The following LDLRAD4 variants were observed in gnomAD, a reference collection of about 807,000 sequenced individuals.
The protein encoded by LDLRAD4 is low density lipoprotein receptor class A domain containing 4.
LDLRAD4 carries 5 observed loss-of-function variants against 17.0 expected under a neutral mutation model. The ratio of observed to expected loss-of-function variants is 0.29; its 90% CI spans 0.15 to 0.62. The LOEUF is 0.62. Among genes scored for constraint, LDLRAD4 ranks in the 20% least tolerant of loss-of-function variants. The pLI is 0.84. For synonymous variants in LDLRAD4, 168 were observed against 171.8 expected (o/e 0.98, Z 0.17); for missense variants, 340 against 424.7 (o/e 0.80, Z 1.75).
intron 1 of LDLRAD4, among the ~76,000 whole-genome samples, chr18:13,294,153 A>C (rs1198129026): frequency 6.6e-6 from 1 of 152,244 alleles, no homozygotes; most frequent in East Asian, 1.9e-4. Flanking sequence ...CCAATAATGG[A>C]ACACTGCGCA....
At chr18:13,234,927 T>C (rs2042261046) in intron 1 of LDLRAD4, 1 of 152,192 alleles carries the variant, frequency 6.6e-6, no homozygotes, top group African/African-American at 2.4e-5. Flanking sequence ...ATTTATTTGC[T>C]TAGAAACCAA....
intron 3 of LDLRAD4, among the ~76,000 whole-genome samples, chr18:13,558,591 C>T (rs1051754890): frequency 1.3e-5 from 2 of 152,186 alleles, no homozygotes; most frequent in South Asian, 2.1e-4. Flanking sequence ...CTAGTAGGAT[C>T]GGCACATGTA....
intron 1 of LDLRAD4, among the ~76,000 whole-genome samples, chr18:13,296,800 T>C (rs1476986479): frequency 2.6e-5 from 4 of 152,242 alleles, no homozygotes; most frequent in Admixed American, 2.0e-4. Flanking sequence ...CACATTTTCC[T>C]TTGTGTGCAT....
chr18:13,445,820 GTC>G (rs1386723918), intron 3 of LDLRAD4, among the ~76,000 whole-genome samples: 3 of 151,526 alleles, frequency 2.0e-5, no homozygotes, highest in Non-Finnish European at 4.4e-5. Context: ...GAGTGTGTGT[GTC>G]TGTGTGTGAG....
At chr18:13,380,953 C>T (rs1388081367) in intron 1 of LDLRAD4, among the ~76,000 whole-genome samples, 1 of 150,220 alleles carries the variant, frequency 6.7e-6, no homozygotes, top group Non-Finnish European at 1.5e-5. Context: ...AAAAATTCAT[C>T]ACACTCCAAC....
intron 3 of LDLRAD4, among the ~76,000 whole-genome samples, chr18:13,441,017 G>A (rs995617970): frequency 2.6e-5 from 4 of 152,194 alleles, no homozygotes; most frequent in African/African-American, 4.8e-5. Flanking sequence ...ATGGGGAGAC[G>A]CTCACGGCGC....
chr18:13,238,064 C>G (rs1036442517), intron 1 of LDLRAD4, among the ~76,000 whole-genome samples: 4 of 152,170 alleles, frequency 2.6e-5, no homozygotes, highest in African/African-American at 9.7e-5. Flanking sequence ...CCTAGCCATC[C>G]TTACCCACAA....
intron 1 of LDLRAD4, among the ~76,000 whole-genome samples, chr18:13,321,859 C>A (rs1352389597): frequency 8.8e-5 from 3 of 34,164 alleles, no homozygotes; most frequent in Non-Finnish European, 1.1e-4. Flanking sequence ...GAGACTCCGT[C>A]TCAAAAAAAA....
At chr18:13,472,588 C>T (rs115429146) in intron 3 of LDLRAD4, 90 of 152,354 alleles carry the variant, frequency 5.9e-4, no homozygotes, top group African/African-American at 2.1e-3. Context: ...CTCCTCTGTC[C>T]TGTTCACCCA....
chr18:13,303,855 G>A (rs997151681), intron 1 of LDLRAD4, among the ~76,000 whole-genome samples: 1 of 152,166 alleles, frequency 6.6e-6, no homozygotes, highest in Non-Finnish European at 1.5e-5. Context: ...CTAGTAAGAG[G>A]GCTAAGGAGA....
intron 3 of LDLRAD4, among the ~76,000 whole-genome samples, chr18:13,447,073 A>G (rs774744282): frequency 1.8e-4 from 27 of 152,334 alleles, no homozygotes; most frequent in Middle Eastern, 3.4e-3. Flanking sequence ...GCCATGTTCA[A>G]TGAATCAGGC....
intron 1 of LDLRAD4, among the ~76,000 whole-genome samples, chr18:13,332,735 AT>A (rs917105565): frequency 4.0e-5 from 5 of 125,470 alleles, no homozygotes; most frequent in African/African-American, 1.3e-4. Flanking sequence ...TTGATAGCTC[AT>A]TTTTTTTGTT....
At chr18:13,264,944 G>A (rs960776317) in intron 1 of LDLRAD4, among the ~76,000 whole-genome samples, 2 of 152,176 alleles carry the variant, frequency 1.3e-5, no homozygotes, top group African/African-American at 4.8e-5. Flanking sequence ...TTGGCAAATT[G>A]ATCTGTAAAA....
rs1018209067 is a variant in LDLRAD4, at chr18:13,503,668, T to C, written c.181+65284T>C. 2.0e-5 allele frequency among the ~76,000 whole-genome samples: 3 copies of C among 152,002 alleles called. No homozygotes were observed. The East Asian group carries it at 5.8e-4, about 29-fold the overall frequency. ...AGAGGGGAAGCAGGCAGCCCAGGCA[T>C]GTGTGCGTGGATGTGGAGCCCCTTT... On this transcript the variant is annotated intron_variant, in intron 3 of 5. Transcript: ENST00000359446.
chr18:13,582,883 T>A (rs959793313), intron 3 of LDLRAD4, among the ~76,000 whole-genome samples: 2 of 152,192 alleles, frequency 1.3e-5, no homozygotes, highest in Non-Finnish European at 2.9e-5. Flanking sequence ...GGCTAATTTT[T>A]AAATTTTACA....
intron 3 of LDLRAD4, chr18:13,615,098 G>C (rs915963160): frequency 1.0e-4 from 16 of 152,434 alleles, no homozygotes; most frequent in African/African-American, 3.9e-4. Flanking sequence ...GAGTGAGGTG[G>C]GGTGCTGCTG....
intron 2 of LDLRAD4, among the ~76,000 whole-genome samples, chr18:13,426,848 G>A (rs1568134451): frequency 6.6e-6 from 1 of 152,224 alleles, no homozygotes; most frequent in Non-Finnish European, 1.5e-5. Flanking sequence ...GGGAACATGG[G>A]TGTTTATGTA....
intron 3 of LDLRAD4, among the ~76,000 whole-genome samples, chr18:13,470,126 GCGATAGACC>G (rs1309990231): frequency 1.3e-5 from 2 of 152,136 alleles, no homozygotes; most frequent in Non-Finnish European, 2.9e-5. Context: ...CTTTGACATA[GCGATAGACC>G]GTGTGGAAAT....
intron 1 of LDLRAD4, among the ~76,000 whole-genome samples, chr18:13,333,748 T>C (rs2081976363): frequency 6.6e-6 from 1 of 152,244 alleles, no homozygotes; most frequent in Non-Finnish European, 1.5e-5. Context: ...ATTTCTATTA[T>C]GTTCTCTTGT....
Sources: gnomAD v4.1 joint callset for allele counts (sites outside exome capture counted in the v4.1 genomes callset) on GRCh38, gnomAD v4.1.1 for gene constraint, MANE v1.5 for transcripts, NCBI Gene and HGNC (gene_info 2026-07-23, HGNC 2026-07-21) for gene names.